The following CERS6 variants were observed in gnomAD, a reference collection of about 807,000 sequenced individuals.
CERS6 encodes the protein ceramide synthase 6.
A neutral mutation model predicts 56.8 loss-of-function variants in CERS6; 26 were observed. The observed-to-expected ratio is 0.46, with a 90% CI of 0.34 to 0.63. CERS6 has a LOEUF of 0.63. Among genes scored for constraint, CERS6 ranks in the 30% least tolerant of loss-of-function variants. The probability of loss-of-function intolerance (pLI) is 0.01; values close to 1 mark genes in which losing one functional copy is unlikely to be tolerated. For missense variants in CERS6, 415 were observed against 467.5 expected, an observed-to-expected ratio of 0.89 and a Z score of 1.04; for synonymous variants, 164 against 173.3, an observed-to-expected ratio of 0.95 and a Z score of 0.42.
chr2:168,552,960 TA>T (rs1432074417), intron 2 of CERS6, among the ~76,000 whole-genome samples: 4 of 152,094 alleles, frequency 2.6e-5, no homozygotes, highest in African/African-American at 9.6e-5. Context: ...ACCATAAATT[TA>T]AAAAAATGAA....
At chr2:168,665,355 T>C (rs1049089876) in intron 4 of CERS6, among the ~76,000 whole-genome samples, 2 of 152,168 alleles carry the variant, frequency 1.3e-5, no homozygotes, top group Non-Finnish European at 2.9e-5. Flanking sequence ...TATTTAAACA[T>C]TTACTACCAA....
intron 4 of CERS6, among the ~76,000 whole-genome samples, chr2:168,669,614 G>A (rs1171088505): frequency 6.6e-6 from 1 of 152,128 alleles, no homozygotes; most frequent in African/African-American, 2.4e-5. Flanking sequence ...GTATTATTGG[G>A]TGTCTCATGT....
At position 168,456,446 on chromosome 2, in the gene CERS6, A is replaced by C; in HGVS notation, c.-3A>C. ...GCCGCAGGACAGGAGTGGACAAAGCAAGATGGCAGGGATCTTAGCCTGGTT... is the reference window on the plus strand; with the variant it reads ...GCCGCAGGACAGGAGTGGACAAAGCCAGATGGCAGGGATCTTAGCCTGGTT... On this transcript the variant is annotated 5_prime_UTR_variant, in exon 1 of 10. Transcript: ENST00000305747. The surrounding 1 kb of genome is among the most constrained non-coding windows in gnomAD (Gnocchi z 4.1). 1.2e-6 allele frequency: 2 copies of C among 1,612,406 alleles called. No individual in the cohort carries two copies. The highest frequency in any genetic ancestry group is 1.7e-6 in the Non-Finnish European group (2 of 1,179,062).
intron 4 of CERS6, among the ~76,000 whole-genome samples, chr2:168,633,076 A>T (rs1362533261): frequency 6.6e-6 from 1 of 152,026 alleles, no homozygotes; most frequent in African/African-American, 2.4e-5. Context: ...AACTGTCAGT[A>T]GAGTGTTTCC....
At chr2:168,632,755 G>A (rs1684776359) in intron 4 of CERS6, among the ~76,000 whole-genome samples, 1 of 152,196 alleles carries the variant, frequency 6.6e-6, no homozygotes, top group Admixed American at 6.5e-5. Context: ...AGCTGATGTG[G>A]AGGAGGTGTG....
chr2:168,618,691 A>G (rs886607670), intron 3 of CERS6, among the ~76,000 whole-genome samples: 4 of 152,216 alleles, frequency 2.6e-5, no homozygotes, highest in African/African-American at 9.6e-5. Flanking sequence ...AAAGACCTCT[A>G]CAAGGAAAAC....
intron 6 of CERS6, among the ~76,000 whole-genome samples, chr2:168,705,889 C>T (rs1192297525): frequency 3.9e-5 from 6 of 152,146 alleles, no homozygotes; most frequent in African/African-American, 1.4e-4. Context: ...CCTTGCATCA[C>T]TTAAGACTGT....
chr2:168,551,426 T>C (rs1286531707), intron 2 of CERS6, among the ~76,000 whole-genome samples: 2 of 152,220 alleles, frequency 1.3e-5, no homozygotes, highest in Non-Finnish European at 2.9e-5. Flanking sequence ...ACCTCAGCTC[T>C]GCTGCGTCCC....
chr2:168,486,217 G>T (rs1694271659), intron 1 of CERS6, among the ~76,000 whole-genome samples: 1 of 152,104 alleles, frequency 6.6e-6, no homozygotes, highest in Non-Finnish European at 1.5e-5. Flanking sequence ...ATTATTAAGA[G>T]TTCTTTGCAT....
intron 1 of CERS6, among the ~76,000 whole-genome samples, chr2:168,458,046 G>T (rs570160199): frequency 6.6e-6 from 1 of 152,048 alleles, no homozygotes; most frequent in Non-Finnish European, 1.5e-5. Flanking sequence ...TGAAAAAATG[G>T]GTGTGTTTGC....
chr2:168,681,870 G>T (rs1686226135), intron 4 of CERS6, among the ~76,000 whole-genome samples: 1 of 152,102 alleles, frequency 6.6e-6, no homozygotes, highest in Admixed American at 6.6e-5. Flanking sequence ...TTCTACATAT[G>T]AGTGAGAACC....
At chr2:168,546,229 G>T (rs1350033359) in intron 1 of CERS6, among the ~76,000 whole-genome samples, 2 of 152,162 alleles carry the variant, frequency 1.3e-5, no homozygotes, top group East Asian at 3.8e-4. Flanking sequence ...CTGTCAAGAA[G>T]GTAGGGATGT....
intron 4 of CERS6, among the ~76,000 whole-genome samples, chr2:168,655,644 C>A (rs573483652): frequency 6.6e-6 from 1 of 152,292 alleles, no homozygotes; most frequent in South Asian, 2.1e-4. Flanking sequence ...TGCATGGTCT[C>A]ACTTATGTGA....
At chr2:168,569,523 G>A (rs1273812909) in intron 3 of CERS6, among the ~76,000 whole-genome samples, 2 of 152,252 alleles carry the variant, frequency 1.3e-5, no homozygotes, top group African/African-American at 2.4e-5. Context: ...GTGTGAATGT[G>A]TGTGTGCGCG....
chr2:168,699,944 C>A lies in CERS6; in HGVS notation c.609+4893C>A, dbSNP rs193112423. Among the ~76,000 whole-genome samples the A allele has an allele frequency of 2.6e-5, 4 of 152,222 alleles. No homozygotes were observed. In the East Asian group the frequency reaches 7.7e-4, roughly 29 times the overall value. On this transcript the variant is annotated intron_variant, in intron 6 of 9. Coordinates refer to ENST00000305747, the MANE Select transcript of CERS6 (RefSeq NM_203463.3). Reference sequence around the variant, plus strand: ...CAGAACAGCTTGCTTATGTCTAAGCCCTATGTCCCTTTTAACTAAGCTGCT... The same window carrying A: ...CAGAACAGCTTGCTTATGTCTAAGCACTATGTCCCTTTTAACTAAGCTGCT...
At chr2:168,602,452 T>G (rs1253180713) in intron 3 of CERS6, among the ~76,000 whole-genome samples, 1 of 152,214 alleles carries the variant, frequency 6.6e-6, no homozygotes, top group East Asian at 1.9e-4. Flanking sequence ...TTTAATAAAT[T>G]TTAAAAAATC....
At chr2:168,639,176 G>A (rs1188357521) in intron 4 of CERS6, among the ~76,000 whole-genome samples, 1 of 152,124 alleles carries the variant, frequency 6.6e-6, no homozygotes, top group Non-Finnish European at 1.5e-5. Context: ...GAAAAACATT[G>A]GTCTAATTTA....
At chr2:168,599,382 G>C (rs1471776755) in intron 3 of CERS6, among the ~76,000 whole-genome samples, 2 of 152,090 alleles carry the variant, frequency 1.3e-5, no homozygotes, top group Non-Finnish European at 2.9e-5. Context: ...TTTGAAGAAG[G>C]GCAGTAAATT....
intron 6 of CERS6, among the ~76,000 whole-genome samples, chr2:168,709,665 T>G (rs1385686958): frequency 6.6e-6 from 1 of 152,142 alleles, no homozygotes; most frequent in Non-Finnish European, 1.5e-5. Context: ...GTCTCTCTCT[T>G]TAATTGCAGT....
Sources: gnomAD v4.1 joint callset for allele counts (sites outside exome capture counted in the v4.1 genomes callset) on GRCh38, gnomAD v4.1.1 for gene constraint, Gnocchi (gnomAD v3.1) non-coding constraint, MANE v1.5 for transcripts, NCBI Gene and HGNC (gene_info 2026-07-23, HGNC 2026-07-21) for gene names.